Variants in DPP6 observed in about 807,000 individuals in gnomAD.
DPP6 encodes the protein dipeptidyl peptidase like 6, also known as A-type potassium channel modulatory protein DPP6.
Under a neutral mutation model 122.6 loss-of-function variants are expected in DPP6, and 69 were observed. That is an observed-to-expected ratio of 0.56 (90% CI 0.46 to 0.69). DPP6 has a LOEUF of 0.69. Ranked by LOEUF, DPP6 falls within the 30% of genes least tolerant of loss-of-function variation. DPP6 has a pLI of 0.00. For missense variants in DPP6, 928 were observed against 1,116.9 expected (o/e 0.83, Z 2.41); for synonymous variants, 418 against 433.1 (o/e 0.97, Z 0.43).
chr7:154,614,191 C>T (rs966563805), intron 5 of DPP6, among the ~76,000 whole-genome samples: 1 of 152,206 alleles, frequency 6.6e-6, no homozygotes, highest in African/African-American at 2.4e-5. Context: ...ATTTTCCCTT[C>T]TCTCATCACA....
intron 1 of DPP6, among the ~76,000 whole-genome samples, chr7:154,013,110 C>T (rs1798222935): frequency 6.6e-6 from 1 of 152,236 alleles, no homozygotes; most frequent in Non-Finnish European, 1.5e-5. Context: ...GGAAAACAGC[C>T]TTAAGCAGAG....
chr7:153,793,870 C>T, the DPP6 span, among the ~76,000 whole-genome samples: 1 of 152,208 alleles, frequency 6.6e-6, no homozygotes, highest in Non-Finnish European at 1.5e-5. Context: ...ATGTAGAACT[C>T]GGGCCGTAGC....
chr7:154,182,647 G>C (rs1029276946), intron 1 of DPP6, among the ~76,000 whole-genome samples: 1 of 152,104 alleles, frequency 6.6e-6, no homozygotes, highest in Non-Finnish European at 1.5e-5. Flanking sequence ...AAAGCCAGCA[G>C]CCTTTCCGGA....
chr7:154,398,935 T>C (rs1173906285), intron 1 of DPP6, among the ~76,000 whole-genome samples: 2 of 152,242 alleles, frequency 1.3e-5, no homozygotes, highest in East Asian at 1.9e-4. Flanking sequence ...AGGAAAGATA[T>C]TGTTTCTCCA....
At chr7:154,084,948 C>T (rs1267643722) in intron 1 of DPP6, among the ~76,000 whole-genome samples, 1 of 137,088 alleles carries the variant, frequency 7.3e-6, no homozygotes, top group Non-Finnish European at 1.5e-5. Context: ...TGAGATCGCA[C>T]CACTGCACTC....
At chr7:153,759,911 TTCTG>T in the DPP6 span, among the ~76,000 whole-genome samples, 1 of 130,210 alleles carries the variant, frequency 7.7e-6, no homozygotes, top group East Asian at 1.9e-4. Flanking sequence ...CTCTCTCTGT[TTCTG>T]TCTCTCTCTC....
chr7:154,060,405 G>T (rs1180895161), intron 1 of DPP6, among the ~76,000 whole-genome samples: 2 of 120,648 alleles, frequency 1.7e-5, no homozygotes, highest in Admixed American at 7.7e-5. Flanking sequence ...GACCCCCATC[G>T]CAGAGGGGGG....
intron 1 of DPP6, among the ~76,000 whole-genome samples, chr7:154,068,126 G>A (rs1198599955): frequency 6.6e-6 from 1 of 152,084 alleles, no homozygotes; most frequent in Non-Finnish European, 1.5e-5. Flanking sequence ...GGAAAGGAGA[G>A]GTTAGCAGGG....
intron 1 of DPP6, among the ~76,000 whole-genome samples, chr7:154,056,983 A>G (rs867986597): frequency 2.6e-5 from 4 of 152,242 alleles, no homozygotes; most frequent in African/African-American, 9.6e-5. Context: ...CTCATCACCA[A>G]TAGGACCAGT....
At chr7:154,715,529 G>A (rs544241708) in intron 7 of DPP6, among the ~76,000 whole-genome samples, 1 of 152,222 alleles carries the variant, frequency 6.6e-6, no homozygotes, top group Non-Finnish European at 1.5e-5. Flanking sequence ...GTGGGATTGT[G>A]ATAGGCTATT....
At chr7:153,831,386 C>A in the DPP6 span, among the ~76,000 whole-genome samples, 270 of 152,234 alleles carry the variant, frequency 1.8e-3, 1 homozygote, top group African/African-American at 5.8e-3. Context: ...CAGCAAAGAC[C>A]TCTCAGAGGA....
chr7:154,191,511 C>T (rs4412287), intron 1 of DPP6, among the ~76,000 whole-genome samples: 11,616 of 152,266 alleles, frequency 0.076, 566 homozygotes, highest in South Asian at 0.13. Flanking sequence ...TTTCCCTTTT[C>T]CCTCTGTGCA....
intron 1 of DPP6, among the ~76,000 whole-genome samples, chr7:153,913,899 G>A (rs1407055789): frequency 2.0e-5 from 3 of 152,150 alleles, no homozygotes; most frequent in Non-Finnish European, 4.4e-5. Context: ...AAATTATATA[G>A]TAGAAATACG....
intron 1 of DPP6, among the ~76,000 whole-genome samples, chr7:154,357,220 C>A (rs1204533325): frequency 5.4e-5 from 8 of 148,562 alleles, no homozygotes; most frequent in Non-Finnish European, 8.9e-5. Context: ...GATTTTAAAC[C>A]AAACATGGAT....
chr7:153,768,508 T>C, the DPP6 span, among the ~76,000 whole-genome samples: 1 of 152,136 alleles, frequency 6.6e-6, no homozygotes, highest in Non-Finnish European at 1.5e-5. Flanking sequence ...TGCTGGTTTA[T>C]ATAAGGGCTT....
chr7:154,640,254 C>CAA (rs943050482), intron 6 of DPP6, among the ~76,000 whole-genome samples: 1 of 151,896 alleles, frequency 6.6e-6, no homozygotes, highest in Non-Finnish European at 1.5e-5. Flanking sequence ...CTCTGTCAAA[C>CAA]AAAAACAAAA....
At position 154,275,114 on chromosome 7, in the gene DPP6, C is replaced by T. The variant is rs554529273; in HGVS notation, c.244-171100C>T. 1.6e-3 allele frequency among the ~76,000 whole-genome samples: 248 copies of T among 152,368 alleles called. 3 individuals carry two copies. Among genetic ancestry groups the T allele is most frequent in the African/African-American group, 5.5e-3 (227 of 41,598 alleles). ...GCACGCTGCCAGAGCTCTTACTGCCCGCCTGGCCTGGTGGCTGGAAATGCC... is the reference window on the plus strand; with the variant it reads ...GCACGCTGCCAGAGCTCTTACTGCCTGCCTGGCCTGGTGGCTGGAAATGCC... On this transcript the variant is annotated intron_variant, in intron 1 of 25. Transcript: ENST00000377770.
intron 1 of DPP6, among the ~76,000 whole-genome samples, chr7:154,255,147 G>T (rs1290449244): frequency 6.6e-6 from 1 of 152,142 alleles, no homozygotes; most frequent in African/African-American, 2.4e-5. Context: ...TTCAGACAGA[G>T]AGTTACAGGG....
In DPP6 at chr7:154,063,561, T is replaced by G. The variant is rs1207345152; in HGVS notation, c.243+10498T>G. On this transcript the variant is annotated intron_variant, in intron 1 of 25. Transcript: ENST00000377770. ...CCGCGAGGGTGGGGACTGAGAGCTA[T>G]CCCCTCTTCCGCCTCTGGCTGATAG... Among the ~76,000 whole-genome samples the G allele has an allele frequency of 3.5e-4, 41 of 116,572 alleles. 5 individuals carry two copies. The highest frequency in any genetic ancestry group is 6.5e-4 in the Non-Finnish European group (36 of 55,246). The allele number at this position is 116,572 out of a possible 152,430, so 76.5% of individuals were successfully genotyped here. A position where few individuals can be genotyped will look rare whatever the true frequency, so the allele number is the denominator to read the frequency against.
Sources: allele counts gnomAD v4.1 joint callset (sites outside exome capture counted in the v4.1 genomes callset), GRCh38; gene constraint gnomAD v4.1.1; transcripts MANE v1.5; gene names NCBI Gene and HGNC (gene_info 2026-07-23, HGNC 2026-07-21).